Variants in ZNF790 observed in about 807,000 individuals in gnomAD.
ZNF790 encodes zinc finger protein 790.
ZNF790 carries 8 observed loss-of-function variants against 12.1 expected under a neutral mutation model. The observed-to-expected ratio is 0.66, with a 90% CI of 0.39 to 1.19. The LOEUF is 1.19. Among genes scored for constraint, ZNF790 ranks in the 50% most tolerant of loss-of-function variants. ZNF790 has a pLI of 0.01. For synonymous variants in ZNF790, 252 were observed against 244.3 expected (o/e 1.03, Z -0.29); for missense variants, 707 against 752.2 (o/e 0.94, Z 0.70).
chr19:36,841,955 C>T (rs2072133779), upstream of ZNF790, among the ~76,000 whole-genome samples: 1 of 152,042 alleles, frequency 6.6e-6, no homozygotes, highest in South Asian at 2.1e-4. Context: ...CTGAAGCGCC[C>T]CTCCCGCCTC....
Position 36,818,752 on chromosome 19 carries a change from T to C in ZNF790, c.1592A>G (p.Glu531Gly). ...ACATTCTTTACATACGTAAGGTTCC[T>C]CACCAGTATGCATTCTCTGATGTCG... Reference protein sequence around the residue: ...LTRHQRMHTGEEPYVCKECGK... With the variant: ...LTRHQRMHTGGEPYVCKECGK... The change falls in exon 5 of 5, where the codon GAG becomes GGG. Residue 531 changes from glutamate (E) to glycine (G), a missense_variant. Physicochemically the swap from Glu to Gly is moderately conservative, Grantham distance 98. Transcript: ENST00000356725. 6.2e-7 allele frequency: 1 copy of C among 1,611,706 alleles called. No homozygotes were observed. Among genetic ancestry groups the C allele is most frequent in the Non-Finnish European group, 8.5e-7 (1 of 1,179,222 alleles).
rs2071628959 is a variant in ZNF790 at position 36,819,914 on chromosome 19, T to C, written c.430A>G (p.Thr144Ala). The change falls in exon 5 of 5, where the codon ACC (threonine) becomes GCC (alanine). Residue 144 changes from threonine (T) to alanine (A), a missense_variant. By Grantham distance (58) the Thr-to-Ala change is moderately conservative (BLOSUM62 0). Coordinates refer to ENST00000356725, the MANE Select transcript of ZNF790 (RefSeq NM_206894.4). Reference protein sequence around the residue: ...QEECFKQVIRTCEKRPTFNQH... With the variant: ...QEECFKQVIRACEKRPTFNQH... Reference sequence around the variant, plus strand: ...TTAAAAGTGGGCCTTTTTTCACAGGTGCGTATCACCTGCTTGAAGCATTCC... The same window carrying C: ...TTAAAAGTGGGCCTTTTTTCACAGGCGCGTATCACCTGCTTGAAGCATTCC... 1 of 1,614,046 alleles carries C rather than the reference T, an allele frequency of 6.2e-7. No individual in the cohort carries two copies.
At chr19:36,832,866 A>C (rs2071969129) in intron 1 of ZNF790, among the ~76,000 whole-genome samples, 2 of 152,102 alleles carry the variant, frequency 1.3e-5, no homozygotes, top group African/African-American at 4.8e-5. Context: ...TTCAAGCTGA[A>C]AATCAAGGGG....
intron 4 of ZNF790, among the ~76,000 whole-genome samples, chr19:36,822,798 C>G (rs1227796): frequency 1.4e-4 from 21 of 151,702 alleles, no homozygotes; most frequent in African/African-American, 4.8e-4. Context: ...CCTCGGCCTC[C>G]CAAAGTGCTG....
chr19:36,829,556 T>G (rs1197589641), intron 1 of ZNF790, among the ~76,000 whole-genome samples: 1 of 152,230 alleles, frequency 6.6e-6, no homozygotes, highest in Non-Finnish European at 1.5e-5. Flanking sequence ...TTGGGTTGTT[T>G]CCACCTTTTG....
At chr19:36,825,052 G>T (rs2071767489) in intron 2 of ZNF790, among the ~76,000 whole-genome samples, 1 of 152,162 alleles carries the variant, frequency 6.6e-6, no homozygotes, top group Non-Finnish European at 1.5e-5. Context: ...CGATACCACT[G>T]AGAGGCTATA....
rs189682660 is a variant in ZNF790, at chr19:36,831,853, G to A, written c.-73-6161C>T. On this transcript the variant is annotated intron_variant, in intron 1 of 4. Coordinates refer to ENST00000356725, the MANE Select transcript of ZNF790 (RefSeq NM_206894.4). ...GATGAAAAGTGAAACCATATTACAG[G>A]TGAAAATGAACCAAAATAGTAGCAA... Among the ~76,000 whole-genome samples, 1,060 of 152,164 alleles carry A rather than the reference G, an allele frequency of 7.0e-3. 5 individuals are homozygous for A. Among genetic ancestry groups the A allele is most frequent in the Middle Eastern group, 0.02 (6 of 294 alleles).
At chr19:36,823,628 C>T in intron 3 of ZNF790, 39 bp downstream of exon 3, 1 of 1,592,446 alleles carries the variant, frequency 6.3e-7, no homozygotes, top group South Asian at 1.2e-5. Flanking sequence ...AATCACAATA[C>T]AGAAAGCAGG....
chr19:36,833,728 T>C (rs16971568), intron 1 of ZNF790, among the ~76,000 whole-genome samples: 3,048 of 152,264 alleles, frequency 0.02, 77 homozygotes, highest in African/African-American at 0.051. Context: ...CCAGGTCAAC[T>C]GAATTTATAT....
chr19:36,847,749 C>CAA lies in ZNF790; in HGVS notation c.-74+2251_-74+2252dup, dbSNP rs71842818. 1.0e-3 allele frequency among the ~76,000 whole-genome samples: 116 copies of CAA among 110,622 alleles called. 2 individuals carry two copies. In the East Asian group the frequency reaches 0.018, roughly 17 times the overall value. 72.6% of individuals were successfully genotyped at this position (110,622 alleles called of 152,430 possible). A position where few individuals can be genotyped will look rare whatever the true frequency, so the allele number is the denominator to read the frequency against. On this transcript the variant is annotated intron_variant, in intron 1 of 4. Transcript: ENST00000528994. ...TGGGCGACAAAGAGAGACTCTGTCT[C>CAA]AAAAAAAAAAAAAAGAAGTGGAGCC...
intron 1 of ZNF790, among the ~76,000 whole-genome samples, chr19:36,835,407 A>G (rs1407342402): frequency 6.6e-6 from 1 of 152,254 alleles, no homozygotes; most frequent in Non-Finnish European, 1.5e-5. Flanking sequence ...AAAGTTCACT[A>G]AGTTCCAAAG....
At chr19:36,829,035 C>CAAAAGGAGGTGGT (rs1383848660) in intron 1 of ZNF790, among the ~76,000 whole-genome samples, 1 of 151,912 alleles carries the variant, frequency 6.6e-6, no homozygotes, top group Non-Finnish European at 1.5e-5. Flanking sequence ...GGAATGATGT[C>CAAAAGGAGGTGGT]AAAAGGAGGT....
chr19:36,823,589 A>T (rs188387555), intron 3 of ZNF790, 78 bp downstream of exon 3: 58 of 1,554,720 alleles, frequency 3.7e-5, no homozygotes, highest in Non-Finnish European at 5.0e-5. Flanking sequence ...GTCAGAAGTT[A>T]CCCTGGACAT....
intron 1 of ZNF790, among the ~76,000 whole-genome samples, chr19:36,846,981 G>A (rs2072186058): frequency 6.6e-6 from 1 of 152,106 alleles, no homozygotes; most frequent in South Asian, 2.1e-4. Flanking sequence ...TATGTATTTT[G>A]GTCTTTATCC....
upstream of ZNF790, among the ~76,000 whole-genome samples, chr19:36,841,042 A>G (rs1183406792): frequency 6.6e-6 from 1 of 152,190 alleles, no homozygotes; most frequent in African/African-American, 2.4e-5. Context: ...AAGGAATTTA[A>G]AATATTATTA....
At chr19:36,840,177 C>T (rs1432049870), upstream of ZNF790, among the ~76,000 whole-genome samples, 3 of 152,144 alleles carry the variant, frequency 2.0e-5, no homozygotes, top group Non-Finnish European at 2.9e-5. Context: ...TAACCGAAAA[C>T]CCCATAGTAA....
chr19:36,834,210 T>C (rs2071996204), intron 1 of ZNF790, among the ~76,000 whole-genome samples: 2 of 134,764 alleles, frequency 1.5e-5, no homozygotes, highest in East Asian at 2.2e-4. Context: ...ACCATTGCAT[T>C]CCAGCCTGGG....
At chr19:36,843,002 C>CAAAAAA (rs59705640), upstream of ZNF790, among the ~76,000 whole-genome samples, 4 of 65,534 alleles carry the variant, frequency 6.1e-5, no homozygotes, top group Admixed American at 1.8e-4. Flanking sequence ...GACTCCATCT[C>CAAAAAA]AAAAAAAAAA....
intron 1 of ZNF790, among the ~76,000 whole-genome samples, chr19:36,836,874 A>G (rs1414952453): frequency 1.3e-5 from 2 of 152,228 alleles, no homozygotes; most frequent in Non-Finnish European, 1.5e-5. Context: ...GAACCTGTGC[A>G]CTAGGGGATA....
Sources: gnomAD v4.1 joint callset for allele counts (sites outside exome capture counted in the v4.1 genomes callset) on GRCh38, gnomAD v4.1.1 for gene constraint, MANE v1.5 for transcripts, NCBI Gene and HGNC (gene_info 2026-07-23, HGNC 2026-07-21) for gene names.